LRRC4C: variants seen among roughly 807,000 people sequenced by gnomAD.
LRRC4C encodes the protein leucine rich repeat containing 4C, also known as leucine-rich repeat-containing protein 4C.
In LRRC4C, 5 loss-of-function variants were observed where a neutral mutation model predicts 33.6. The ratio of observed to expected loss-of-function variants is 0.15; its 90% CI spans 0.08 to 0.31. The LOEUF (loss-of-function observed/expected upper bound fraction) is 0.31, where lower values mean the gene tolerates loss of function less well. Ranked by LOEUF, LRRC4C falls within the 10% of genes least tolerant of loss-of-function variation. The pLI is 1.00. For synonymous variants in LRRC4C, 329 were observed against 302.0 expected, an observed-to-expected ratio of 1.09 and a Z score of -0.93; for missense variants, 560 against 796.7, an observed-to-expected ratio of 0.70 and a Z score of 3.58.
At chr11:40,431,547 A>G (rs1254402733) in intron 3 of LRRC4C, among the ~76,000 whole-genome samples, 1 of 151,794 alleles carries the variant, frequency 6.6e-6, no homozygotes, top group Non-Finnish European at 1.5e-5. Flanking sequence ...ACCTCTGTTA[A>G]TCTTCATCTC....
At chr11:41,047,540 G>T (rs879395930) in intron 1 of LRRC4C, among the ~76,000 whole-genome samples, 3 of 152,030 alleles carry the variant, frequency 2.0e-5, no homozygotes, top group Non-Finnish European at 4.4e-5. Flanking sequence ...TATAAAAATG[G>T]TGAGTGTTAT....
intron 5 of LRRC4C, among the ~76,000 whole-genome samples, chr11:40,230,024 ACTAATTT>A (rs555025182): frequency 1.3e-5 from 2 of 152,320 alleles, no homozygotes; most frequent in Non-Finnish European, 2.9e-5. Flanking sequence ...AAACTGCAGT[ACTAATTT>A]CTCATCCACA....
intron 1 of LRRC4C, among the ~76,000 whole-genome samples, chr11:40,937,672 ACAGAGTCTCACCCC>A (rs1234789284): frequency 6.7e-6 from 1 of 149,956 alleles, no homozygotes; most frequent in African/African-American, 2.5e-5. Flanking sequence ...CTTTTTTGAG[ACAGAGTCTCACCCC>A]AGCTGGAGTG....
chr11:41,435,136 T>C (rs1324173072), intron 1 of LRRC4C, among the ~76,000 whole-genome samples: 1 of 152,158 alleles, frequency 6.6e-6, no homozygotes, highest in African/African-American at 2.4e-5. Context: ...ATATTGATGC[T>C]TCCTTTTATT....
chr11:40,698,225 C>T (rs1019608614), intron 2 of LRRC4C, among the ~76,000 whole-genome samples: 6 of 152,024 alleles, frequency 3.9e-5, no homozygotes, highest in African/African-American at 1.2e-4. Context: ...AAGGAAATGA[C>T]CCCTTTGCCT....
chr11:40,728,430 C>T (rs1170768509), intron 2 of LRRC4C, among the ~76,000 whole-genome samples: 3 of 151,226 alleles, frequency 2.0e-5, no homozygotes, highest in East Asian at 2.0e-4. Flanking sequence ...ACGGTGAAAC[C>T]CCGTTCTCTA....
intron 3 of LRRC4C, among the ~76,000 whole-genome samples, chr11:40,594,673 A>G (rs1429539048): frequency 6.6e-6 from 1 of 152,220 alleles, no homozygotes; most frequent in Admixed American, 6.5e-5. Flanking sequence ...GTATTTAACA[A>G]AACAGATATG....
chr11:41,146,570 A>T (rs556574451), intron 1 of LRRC4C, among the ~76,000 whole-genome samples: 1 of 152,230 alleles, frequency 6.6e-6, no homozygotes, highest in African/African-American at 2.4e-5. Context: ...GCATTCCCTC[A>T]GCTCATTCAC....
intron 3 of LRRC4C, among the ~76,000 whole-genome samples, chr11:40,542,856 T>C (rs1956778424): frequency 6.6e-6 from 1 of 152,114 alleles, no homozygotes; most frequent in Non-Finnish European, 1.5e-5. Flanking sequence ...TTTTATTGAC[T>C]GTTTTTGCTT....
At chr11:40,447,237 G>A (rs1951678964) in intron 3 of LRRC4C, 1 of 153,552 alleles carries the variant, frequency 6.5e-6, no homozygotes, top group South Asian at 2.1e-4. Flanking sequence ...CAACATATGT[G>A]TTGGATAAAG....
At chr11:40,945,027 T>TTC (rs1555012129) in intron 1 of LRRC4C, among the ~76,000 whole-genome samples, 4 of 144,428 alleles carry the variant, frequency 2.8e-5, no homozygotes, top group Non-Finnish European at 4.5e-5. Context: ...GTTTTTCTTT[T>TTC]TTTTTTTTTT....
intron 2 of LRRC4C, among the ~76,000 whole-genome samples, chr11:40,681,448 GC>G (rs1448168443): frequency 3.3e-5 from 5 of 152,178 alleles, no homozygotes; most frequent in African/African-American, 1.2e-4. Context: ...GTAATAGGGT[GC>G]TTATGTAGGA....
intron 2 of LRRC4C, among the ~76,000 whole-genome samples, chr11:40,713,111 C>A: frequency 6.8e-6 from 1 of 146,764 alleles, no homozygotes; most frequent in Non-Finnish European, 1.5e-5. Context: ...CTTGACTGCT[C>A]TTGAACTCAC....
intron 1 of LRRC4C, among the ~76,000 whole-genome samples, chr11:40,970,353 T>C (rs1240631994): frequency 2.0e-5 from 3 of 152,114 alleles, no homozygotes; most frequent in Non-Finnish European, 4.4e-5. Flanking sequence ...TCTGGTTGTT[T>C]AAAAGTGTGT....
chr11:41,079,854 C>T (rs759682033), intron 1 of LRRC4C, among the ~76,000 whole-genome samples: 1 of 152,122 alleles, frequency 6.6e-6, no homozygotes, highest in Non-Finnish European at 1.5e-5. Flanking sequence ...AATTCTTCTT[C>T]TTCCAATGTT....
At chr11:40,573,617 G>A (rs1428082246) in intron 3 of LRRC4C, among the ~76,000 whole-genome samples, 2 of 152,092 alleles carry the variant, frequency 1.3e-5, no homozygotes, top group Middle Eastern at 3.2e-3. Context: ...AACATATTAA[G>A]CTTTCACATG....
intron 1 of LRRC4C, among the ~76,000 whole-genome samples, chr11:41,376,848 C>A (rs575326801): frequency 6.6e-6 from 1 of 151,870 alleles, no homozygotes; most frequent in Non-Finnish European, 1.5e-5. Context: ...TAGATAGATA[C>A]ACACATACGT....
At chr11:41,220,383 G>T in intron 1 of LRRC4C, among the ~76,000 whole-genome samples, 1 of 152,088 alleles carries the variant, frequency 6.6e-6, no homozygotes. Flanking sequence ...CTCCAAGGGA[G>T]AGTTATGAAA....
At chr11:41,373,960 T>C (rs1952848202) in intron 1 of LRRC4C, among the ~76,000 whole-genome samples, 1 of 152,226 alleles carries the variant, frequency 6.6e-6, no homozygotes, top group Admixed American at 6.5e-5. Flanking sequence ...GTAGCTATAT[T>C]AATATCTTGC....
Sources: gnomAD v4.1 joint callset for allele counts (sites outside exome capture counted in the v4.1 genomes callset) on GRCh38, gnomAD v4.1.1 for gene constraint, MANE v1.5 for transcripts, NCBI Gene and HGNC (gene_info 2026-07-23, HGNC 2026-07-21) for gene names.